The following NPAS3 variants were observed in gnomAD, a reference collection of about 807,000 sequenced individuals.
The protein encoded by NPAS3 is neuronal PAS domain protein 3, also known as neuronal PAS domain-containing protein 3.
NPAS3 carries 14 observed loss-of-function variants against 73.1 expected under a neutral mutation model. The observed-to-expected ratio is 0.19, with a 90% CI of 0.13 to 0.30. The LOEUF (loss-of-function observed/expected upper bound fraction) is 0.30. Among genes scored for constraint, NPAS3 ranks in the 10% least tolerant of loss-of-function variants. NPAS3 has a pLI of 1.00. For synonymous variants in NPAS3, 620 were observed against 541.5 expected, an observed-to-expected ratio of 1.14 and a Z score of -2.01; for missense variants, 1,096 against 1,250.0, an observed-to-expected ratio of 0.88 and a Z score of 1.86.
At chr14:33,077,774 G>GTGTTTTTTTTTTTTTT (rs2041709511) in intron 2 of NPAS3, among the ~76,000 whole-genome samples, 1 of 87,470 alleles carries the variant, frequency 1.1e-5, no homozygotes, top group Non-Finnish European at 2.3e-5. Context: ...TGCAGTAAGG[G>GTGTTTTTTTTTTTTTT]TTTTTTTTTT....
chr14:33,066,830 C>T (rs147881581), intron 2 of NPAS3, among the ~76,000 whole-genome samples: 174 of 152,318 alleles, frequency 1.1e-3, no homozygotes, highest in Middle Eastern at 3.4e-3. Context: ...TCAGGGGCCC[C>T]ATTCCTACTT....
intron 3 of NPAS3, among the ~76,000 whole-genome samples, chr14:33,256,547 T>C (rs1329554094): frequency 6.6e-6 from 1 of 152,188 alleles, no homozygotes; most frequent in African/African-American, 2.4e-5. Flanking sequence ...AATTAGAATA[T>C]AATCCAGGGA....
At chr14:33,710,264 T>A (rs1240803859) in intron 6 of NPAS3, among the ~76,000 whole-genome samples, 1 of 152,182 alleles carries the variant, frequency 6.6e-6, no homozygotes, top group African/African-American at 2.4e-5. Context: ...CATCCGCAGT[T>A]CCCATATTTT....
intron 5 of NPAS3, among the ~76,000 whole-genome samples, chr14:33,582,809 G>T (rs1001430921): frequency 1.3e-5 from 2 of 152,058 alleles, no homozygotes; most frequent in Non-Finnish European, 2.9e-5. Context: ...AGAAATCCCT[G>T]TCTTAAATCA....
upstream of NPAS3, chr14:32,934,971 G>C: frequency 7.6e-7 from 1 of 1,322,818 alleles, no homozygotes; most frequent in Non-Finnish European, 9.7e-7. The surrounding 1 kb of genome is among the most constrained non-coding windows in gnomAD (Gnocchi z 4.1). Context: ...GCACCCCGCA[G>C]AACGTCCAGG....
intron 4 of NPAS3, among the ~76,000 whole-genome samples, chr14:33,461,169 T>G (rs1647513030): frequency 6.6e-6 from 1 of 152,366 alleles, no homozygotes; most frequent in African/African-American, 2.4e-5. Flanking sequence ...TTTTGTTTAA[T>G]AGTAGAATCA....
At chr14:33,558,178 C>T (rs1439138839) in intron 4 of NPAS3, among the ~76,000 whole-genome samples, 1 of 152,090 alleles carries the variant, frequency 6.6e-6, no homozygotes, top group African/African-American at 2.4e-5. Flanking sequence ...GTTTTCAGAA[C>T]CCAAGAAATC....
intron 1 of NPAS3, among the ~76,000 whole-genome samples, chr14:32,993,025 A>G (rs930180081): frequency 6.6e-6 from 1 of 151,852 alleles, no homozygotes; most frequent in African/African-American, 2.4e-5. Context: ...GTGTGGTCTC[A>G]GGCACCTGTT....
intron 4 of NPAS3, among the ~76,000 whole-genome samples, chr14:33,414,072 G>A (rs1031626637): frequency 5.3e-5 from 8 of 152,020 alleles, no homozygotes; most frequent in Non-Finnish European, 1.0e-4. Context: ...TCCTTAGTTA[G>A]AGACTCAGGT....
chr14:33,190,547 A>G (rs1883435154), intron 2 of NPAS3, among the ~76,000 whole-genome samples: 4 of 152,256 alleles, frequency 2.6e-5, no homozygotes, highest in African/African-American at 9.6e-5. Flanking sequence ...TCTTTAGCTC[A>G]CATTGGGTGC....
chr14:33,560,081 A>G (rs1196393520), intron 4 of NPAS3, 40 bp from the exon 5 acceptor site: 1 of 757,720 alleles, frequency 1.3e-6, no homozygotes, highest in South Asian at 1.7e-5. Context: ...CATCCTTTGT[A>G]TTTATTAATC....
At chr14:33,706,210 G>A (rs1042110967) in intron 6 of NPAS3, among the ~76,000 whole-genome samples, 10 of 152,134 alleles carry the variant, frequency 6.6e-5, no homozygotes, top group Admixed American at 3.3e-4. Flanking sequence ...AGCTAGTAGG[G>A]GGTTTCTGTA....
At chr14:33,355,429 T>G (rs1480462442) in intron 3 of NPAS3, among the ~76,000 whole-genome samples, 2 of 152,102 alleles carry the variant, frequency 1.3e-5, no homozygotes, top group East Asian at 3.9e-4. Flanking sequence ...GCCTCCCAAG[T>G]AGCCGGGACT....
intron 2 of NPAS3, among the ~76,000 whole-genome samples, chr14:33,210,515 T>G (rs2046992042): frequency 1.3e-5 from 2 of 152,134 alleles, no homozygotes; most frequent in South Asian, 4.1e-4. Flanking sequence ...CTCTCCATGG[T>G]CCTGGATCTG....
intron 4 of NPAS3, among the ~76,000 whole-genome samples, chr14:33,392,891 C>A (rs1445998260): frequency 1.3e-5 from 2 of 152,146 alleles, no homozygotes; most frequent in African/African-American, 4.8e-5. Flanking sequence ...ACTTGGTTAA[C>A]AGCAGAGGTG....
intron 3 of NPAS3, among the ~76,000 whole-genome samples, chr14:33,229,290 G>A (rs532154373): frequency 6.6e-6 from 1 of 152,174 alleles, no homozygotes; most frequent in Non-Finnish European, 1.5e-5. Context: ...TCATAGAGAT[G>A]GAAAGAGAGA....
intron 4 of NPAS3, among the ~76,000 whole-genome samples, chr14:33,414,828 T>G (rs1049718454): frequency 2.0e-5 from 3 of 152,110 alleles, no homozygotes; most frequent in Non-Finnish European, 4.4e-5. Context: ...GAATTACTGG[T>G]CAAAATCAGT....
chr14:33,763,530 G>T (rs2062363588), intron 7 of NPAS3, among the ~76,000 whole-genome samples: 1 of 152,196 alleles, frequency 6.6e-6, no homozygotes, highest in African/African-American at 2.4e-5. Context: ...CCCTGCTAAG[G>T]AAGGGGTGGC....
intron 4 of NPAS3, among the ~76,000 whole-genome samples, chr14:33,472,479 T>C (rs2050828516): frequency 6.6e-6 from 1 of 152,212 alleles, no homozygotes; most frequent in Admixed American, 6.5e-5. Context: ...AATAAAGCTG[T>C]TTTTAAAAAA....
Sources: allele counts gnomAD v4.1 joint callset (sites outside exome capture counted in the v4.1 genomes callset), GRCh38; gene constraint gnomAD v4.1.1; non-coding constraint Gnocchi (gnomAD v3.1); transcripts MANE v1.5; gene names NCBI Gene and HGNC (gene_info 2026-07-23, HGNC 2026-07-21).